The following PTPRD variants were observed in gnomAD, a reference collection of about 807,000 sequenced individuals.
PTPRD encodes the protein protein tyrosine phosphatase receptor type D.
In PTPRD, 34 loss-of-function variants were observed where a neutral mutation model predicts 214.5. The observed-to-expected ratio is 0.16, with a 90% CI of 0.12 to 0.21. PTPRD has a LOEUF of 0.21. Among genes scored for constraint, PTPRD ranks in the 10% least tolerant of loss-of-function variants. The probability of loss-of-function intolerance (pLI) is 1.00; values close to 1 mark genes in which losing one functional copy is unlikely to be tolerated. For missense variants in PTPRD, 2,545 were observed against 2,398.7 expected (o/e 1.06, Z -1.27); for synonymous variants, 1,128 against 845.7 (o/e 1.33, Z -5.79).
chr9:8,568,142 C>T (rs1022991446), intron 14 of PTPRD, among the ~76,000 whole-genome samples: 5 of 151,912 alleles, frequency 3.3e-5, no homozygotes, highest in African/African-American at 1.2e-4. Context: ...TTTAAAAATC[C>T]AATAGATTTT....
intron 2 of PTPRD, among the ~76,000 whole-genome samples, chr9:10,469,579 C>A (rs1351954051): frequency 6.6e-6 from 1 of 151,928 alleles, no homozygotes; most frequent in Non-Finnish European, 1.5e-5. Flanking sequence ...ATTAGTATAG[C>A]CATTATGAAA....
chr9:8,996,426 G>A (rs541986445), intron 11 of PTPRD, among the ~76,000 whole-genome samples: 33 of 152,194 alleles, frequency 2.2e-4, no homozygotes, highest in African/African-American at 6.5e-4. Flanking sequence ...AAAGAAAAAC[G>A]TAGGGGCAGC....
At chr9:9,112,755 T>TC (rs2099807832) in intron 10 of PTPRD, among the ~76,000 whole-genome samples, 1 of 152,156 alleles carries the variant, frequency 6.6e-6, no homozygotes, top group Non-Finnish European at 1.5e-5. Context: ...TGAGAGAAAT[T>TC]ATGGGAAATC....
At chr9:10,252,876 C>T (rs1015877441) in intron 3 of PTPRD, among the ~76,000 whole-genome samples, 10 of 152,128 alleles carry the variant, frequency 6.6e-5, no homozygotes, top group Middle Eastern at 3.4e-3. Context: ...CTCCGCCTCC[C>T]GGGTTCAAGA....
At chr9:8,717,309 C>T (rs548832673) in intron 12 of PTPRD, among the ~76,000 whole-genome samples, 37 of 152,314 alleles carry the variant, frequency 2.4e-4, no homozygotes, top group Admixed American at 5.2e-4. Context: ...CCCCAACCTA[C>T]GTCTCATCCT....
At chr9:9,847,838 T>C (rs991315888) in intron 5 of PTPRD, among the ~76,000 whole-genome samples, 1 of 152,050 alleles carries the variant, frequency 6.6e-6, no homozygotes, top group African/African-American at 2.4e-5. Context: ...ATGAAAGTGC[T>C]TTGCCTTTCC....
intron 8 of PTPRD, among the ~76,000 whole-genome samples, chr9:9,440,057 T>C (rs10977747): frequency 0.17 from 25,392 of 152,138 alleles, 2,302 homozygotes; most frequent in Admixed American, 0.22. Flanking sequence ...CTAGAAACCA[T>C]AAAAATTCCT....
intron 10 of PTPRD, among the ~76,000 whole-genome samples, chr9:9,178,189 G>C (rs1200113893): frequency 6.6e-6 from 1 of 152,070 alleles, no homozygotes; most frequent in Non-Finnish European, 1.5e-5. Context: ...CTGACTGTGT[G>C]TGTGTGTGTC....
intron 38 of PTPRD, 74 bp downstream of exon 38, chr9:8,376,533 A>C: frequency 9.4e-6 from 15 of 1,594,772 alleles, no homozygotes; most frequent in Non-Finnish European, 1.2e-5. Flanking sequence ...GCCTTAAGAG[A>C]TTTCATTTCT....
In PTPRD at chr9:9,392,975, A is replaced by G. The variant is rs77488764; in HGVS notation, c.-203+4474T>C. Among the ~76,000 whole-genome samples the G allele has an allele frequency of 2.7e-3, 415 of 152,178 alleles. 4 individuals carry two copies. The highest frequency in any genetic ancestry group is 9.0e-3 in the African/African-American group (373 of 41,524). On this transcript the variant is annotated intron_variant, in intron 9 of 45. Coordinates refer to ENST00000381196, the MANE Select transcript of PTPRD (RefSeq NM_002839.4). ...GGGTGGAGCCATGGAAATTCCTGTC[A>G]TTTGCAGAGGGGAGGAGCCTGGTCT...
At chr9:10,090,343 G>A (rs1342782021) in intron 3 of PTPRD, among the ~76,000 whole-genome samples, 1 of 151,486 alleles carries the variant, frequency 6.6e-6, no homozygotes, top group African/African-American at 2.4e-5. Flanking sequence ...TAGTCATTCA[G>A]TAGAATTTGA....
intron 12 of PTPRD, among the ~76,000 whole-genome samples, chr9:8,707,885 T>C (rs192586079): frequency 6.6e-6 from 1 of 152,220 alleles, no homozygotes; most frequent in African/African-American, 2.4e-5. Flanking sequence ...ACTGGTTGTG[T>C]ATTGTCTCTC....
chr9:8,846,688 AACAGCAAAT>A (rs1379627175), intron 11 of PTPRD, among the ~76,000 whole-genome samples: 1 of 152,208 alleles, frequency 6.6e-6, no homozygotes, highest in Non-Finnish European at 1.5e-5. Flanking sequence ...ACATCTGGGA[AACAGCAAAT>A]ACTTTAGTAT....
chr9:8,954,061 C>T (rs1049054995), intron 11 of PTPRD, among the ~76,000 whole-genome samples: 1 of 151,972 alleles, frequency 6.6e-6, no homozygotes. Context: ...CATTGCAGTG[C>T]TATTCACAAT....
chr9:9,048,190 T>C (rs1300098993), intron 10 of PTPRD, among the ~76,000 whole-genome samples: 2 of 152,170 alleles, frequency 1.3e-5, no homozygotes, highest in African/African-American at 4.8e-5. Context: ...GGAACCCGTG[T>C]ACACTTTTGG....
intron 3 of PTPRD, among the ~76,000 whole-genome samples, chr9:10,225,405 G>T (rs1290958382): frequency 6.6e-6 from 1 of 151,974 alleles, no homozygotes. Context: ...GATATTAACA[G>T]TCCGCTTATT....
chr9:10,143,880 A>G (rs1471851959), intron 3 of PTPRD, among the ~76,000 whole-genome samples: 3 of 152,054 alleles, frequency 2.0e-5, no homozygotes, highest in South Asian at 2.1e-4. Flanking sequence ...AAAGATGGAA[A>G]GAGACACTGG....
At chr9:9,753,209 C>T (rs2098538697) in intron 6 of PTPRD, among the ~76,000 whole-genome samples, 1 of 151,954 alleles carries the variant, frequency 6.6e-6, no homozygotes, top group African/African-American at 2.4e-5. Context: ...AATTGAGGGG[C>T]CCAGTACAGA....
chr9:8,695,776 C>A (rs928466182), intron 12 of PTPRD, among the ~76,000 whole-genome samples: 1 of 152,130 alleles, frequency 6.6e-6, no homozygotes, highest in Non-Finnish European at 1.5e-5. Flanking sequence ...TAGGGATGCT[C>A]CCTACTTAAG....
Sources: gnomAD v4.1 joint callset for allele counts (sites outside exome capture counted in the v4.1 genomes callset) on GRCh38, gnomAD v4.1.1 for gene constraint, MANE v1.5 for transcripts, NCBI Gene and HGNC (gene_info 2026-07-23, HGNC 2026-07-21) for gene names.